The following SPATA13 variants were observed in gnomAD, a reference collection of about 807,000 sequenced individuals.
The protein encoded by SPATA13 is spermatogenesis-associated protein 13.
SPATA13 carries 50 observed loss-of-function variants against 104.0 expected under a neutral mutation model. The ratio of observed to expected loss-of-function variants is 0.48; its 90% CI spans 0.38 to 0.61. The LOEUF is 0.61. Among genes scored for constraint, SPATA13 ranks in the 20% least tolerant of loss-of-function variants. The pLI is 0.00. For missense variants in SPATA13, 1,524 were observed against 1,690.6 expected (o/e 0.90, Z 1.73); for synonymous variants, 606 against 667.5 (o/e 0.91, Z 1.42).
intron 2 of SPATA13, among the ~76,000 whole-genome samples, chr13:24,017,461 C>T (rs1377009835): frequency 6.6e-6 from 1 of 152,088 alleles, no homozygotes; most frequent in Non-Finnish European, 1.5e-5. Context: ...AAATTCTGCT[C>T]TTAAGGCCAT....
intron 3 of SPATA13, among the ~76,000 whole-genome samples, chr13:24,147,533 T>C (rs1881971210): frequency 6.6e-6 from 1 of 152,198 alleles, no homozygotes; most frequent in East Asian, 1.9e-4. Flanking sequence ...ATTTTGCCCT[T>C]GTCTTCATAT....
intron 3 of SPATA13, among the ~76,000 whole-genome samples, chr13:24,118,334 A>G (rs4770585): frequency 0.66 from 100,604 of 152,028 alleles, 33,910 homozygotes; most frequent in East Asian, 0.93. Context: ...TGCCACATGT[A>G]CAAAATTGCT....
At chr13:24,043,026 G>A (rs572907482) in intron 3 of SPATA13, among the ~76,000 whole-genome samples, 1 of 152,234 alleles carries the variant, frequency 6.6e-6, no homozygotes, top group African/African-American at 2.4e-5. Context: ...AATAATGCCA[G>A]TATTGGCTCA....
At chr13:24,253,335 C>T (rs562587047) in intron 4 of SPATA13, 37 of 152,332 alleles carry the variant, frequency 2.4e-4, no homozygotes, top group African/African-American at 8.4e-4. Flanking sequence ...TGCACCTGTT[C>T]CATGAACCCT....
chr13:24,147,636 G>A (rs1881975010), intron 3 of SPATA13, among the ~76,000 whole-genome samples: 1 of 151,992 alleles, frequency 6.6e-6, no homozygotes, highest in Non-Finnish European at 1.5e-5. Context: ...AGAACAAAAC[G>A]TACCATCTTA....
rs557866370 is a variant in SPATA13 at position 24,107,562 on chromosome 13, C to T, written c.-112+89861C>T. Among the ~76,000 whole-genome samples the T allele has an allele frequency of 2.0e-5, 3 of 152,302 alleles. No individual in the cohort carries two copies. The South Asian group carries it at 6.2e-4, about 32-fold the overall frequency. On this transcript the variant is annotated intron_variant, in intron 3 of 14. Coordinates refer to the SPATA13 transcript ENST00000424834. ...ATGGACATTCATAGAGAAAAATCACCTCCTCACCAAAGGTACCTCCATGCC... is the reference window on the plus strand; with the variant it reads ...ATGGACATTCATAGAGAAAAATCACTTCCTCACCAAAGGTACCTCCATGCC...
chr13:24,096,983 T>C (rs917459467), intron 3 of SPATA13, among the ~76,000 whole-genome samples: 3 of 152,120 alleles, frequency 2.0e-5, no homozygotes, highest in African/African-American at 4.8e-5. Flanking sequence ...TTATGTAGAA[T>C]GGATTAAAAG....
At position 24,223,079 on chromosome 13, in the gene SPATA13, A is replaced by G; in HGVS notation, c.150A>G (p.Gly50=). The change falls in exon 2 of 13, where the codon GGA becomes GGG. Residue 50 remains glycine, a synonymous_variant. Transcript: ENST00000382108. ...KMVTSLACGN[G]VCGCSPGGDT... Reference sequence around the variant, plus strand: ...TGACCTCCCTTGCGTGTGGAAATGGAGTCTGTGGCTGCAGCCCTGGTGGCG... The same window carrying G: ...TGACCTCCCTTGCGTGTGGAAATGGGGTCTGTGGCTGCAGCCCTGGTGGCG... 6.4e-7 allele frequency: 1 copy of G among 1,551,634 alleles called. No individual in the cohort carries two copies. The highest frequency in any genetic ancestry group is 8.7e-7 in the Non-Finnish European group (1 of 1,146,986).
chr13:24,231,468 A>G lies in SPATA13; in HGVS notation c.1653+6886A>G, dbSNP rs998424215. 1.2e-4 allele frequency among the ~76,000 whole-genome samples: 18 copies of G among 152,314 alleles called. 1 individual carries two copies. The highest frequency in any genetic ancestry group is 4.1e-4 in the African/African-American group (17 of 41,568). On this transcript the variant is annotated intron_variant, in intron 2 of 12. Transcript: ENST00000382108. ...TTAAGGCTGCGTAATATTTCAGTGC[A>G]TGGCTATCTATACCGCACTTTGTTA...
chr13:24,046,073 C>A (rs1254386974), intron 3 of SPATA13, among the ~76,000 whole-genome samples: 1 of 152,128 alleles, frequency 6.6e-6, no homozygotes. Flanking sequence ...CTGTGCAGAA[C>A]CATGCGTTAG....
rs59161697 is a variant in SPATA13 at position 24,287,971 on chromosome 13, G to A, written c.2667+1021G>A. ...ACAGGTTGAAGTCAGAGAACTGCCC[G>A]TTCTCTAATCGGATTAGCCAGCTGT... On this transcript the variant is annotated intron_variant, in intron 7 of 12. Transcript: ENST00000382108. 7.7e-3 allele frequency among the ~76,000 whole-genome samples: 1,179 copies of A among 152,308 alleles called. 16 individuals carry two copies. Among genetic ancestry groups the A allele is most frequent in the African/African-American group, 0.027 (1,127 of 41,560 alleles).
chr13:24,230,834 A>C (rs1872224142), intron 2 of SPATA13, among the ~76,000 whole-genome samples: 1 of 152,152 alleles, frequency 6.6e-6, no homozygotes. Context: ...CCTCGCTTAC[A>C]GCTGTGAATT....
At chr13:24,109,473 A>G (rs188853964) in intron 3 of SPATA13, among the ~76,000 whole-genome samples, 98 of 151,134 alleles carry the variant, frequency 6.5e-4, no homozygotes, top group African/African-American at 2.4e-3. Context: ...GTATATACCC[A>G]GTAATGAGAT....
intron 3 of SPATA13, among the ~76,000 whole-genome samples, chr13:24,152,756 G>T (rs1882134368): frequency 2.0e-5 from 3 of 152,162 alleles, no homozygotes; most frequent in Non-Finnish European, 2.9e-5. Flanking sequence ...TGGTCACTCT[G>T]AGCAAGGCGC....
At chr13:24,004,523 C>T (rs773838533) in intron 2 of SPATA13, among the ~76,000 whole-genome samples, 3 of 152,076 alleles carry the variant, frequency 2.0e-5, no homozygotes, top group African/African-American at 4.8e-5. Context: ...GGGGCGCAGA[C>T]GGGACTCAGG....
chr13:24,017,742 C>T (rs1305539494), intron 3 of SPATA13: 2 of 976,424 alleles, frequency 2.0e-6, no homozygotes, highest in Non-Finnish European at 2.4e-6. Context: ...CTCCTTCCTC[C>T]TTCTTTCTCC....
intron 1 of SPATA13, among the ~76,000 whole-genome samples, chr13:24,173,130 T>G (rs1883050490): frequency 6.6e-6 from 1 of 152,096 alleles, no homozygotes; most frequent in Admixed American, 6.5e-5. Context: ...CAGGCTGGAG[T>G]GCAGTGGTGC....
chr13:24,188,103 G>A (rs1211739925), intron 1 of SPATA13, among the ~76,000 whole-genome samples: 1 of 151,790 alleles, frequency 6.6e-6, no homozygotes, highest in Non-Finnish European at 1.5e-5. Flanking sequence ...CTCTTTGGGA[G>A]GCCAAGGCGG....
At chr13:24,004,750 A>G (rs1351768391) in intron 2 of SPATA13, among the ~76,000 whole-genome samples, 3 of 152,200 alleles carry the variant, frequency 2.0e-5, no homozygotes, top group Non-Finnish European at 4.4e-5. Context: ...CAGTCACAGT[A>G]TCCGTGAAAG....
Sources: allele counts gnomAD v4.1 joint callset (sites outside exome capture counted in the v4.1 genomes callset), GRCh38; gene constraint gnomAD v4.1.1; transcripts MANE v1.5; gene names NCBI Gene and HGNC (gene_info 2026-07-23, HGNC 2026-07-21).